Variants in SLC4A4 observed in about 807,000 individuals in gnomAD.
SLC4A4 encodes the protein solute carrier family 4 member 4, also known as electrogenic sodium bicarbonate cotransporter 1.
In SLC4A4, 27 loss-of-function variants were observed where a neutral mutation model predicts 111.5. The observed-to-expected ratio is 0.24, with a 90% CI of 0.18 to 0.33. The LOEUF is 0.33. SLC4A4 is among the 10% of genes least tolerant of loss of function. The probability of loss-of-function intolerance (pLI) is 1.00; values close to 1 mark genes in which losing one functional copy is unlikely to be tolerated. For synonymous variants in SLC4A4, 443 were observed against 463.4 expected (o/e 0.96, Z 0.57); for missense variants, 909 against 1,315.5 (o/e 0.69, Z 4.78).
chr4:71,482,129 G>A (rs1273948499), intron 14 of SLC4A4, among the ~76,000 whole-genome samples: 2 of 151,690 alleles, frequency 1.3e-5, no homozygotes, highest in African/African-American at 4.8e-5. Flanking sequence ...TGTAGACCAA[G>A]CTTCCAATTG....
At chr4:71,387,623 T>A (rs1718871910) in intron 6 of SLC4A4, among the ~76,000 whole-genome samples, 1 of 152,024 alleles carries the variant, frequency 6.6e-6, no homozygotes, top group African/African-American at 2.4e-5. Flanking sequence ...GCCTCCCGAG[T>A]AGCTGGGATT....
At chr4:71,268,322 G>A (rs555377939) in intron 3 of SLC4A4, among the ~76,000 whole-genome samples, 3 of 152,066 alleles carry the variant, frequency 2.0e-5, no homozygotes, top group Non-Finnish European at 4.4e-5. Flanking sequence ...TCATACCCAG[G>A]CCTTTTCTTT....
At chr4:71,282,669 A>C (rs949163559) in intron 3 of SLC4A4, among the ~76,000 whole-genome samples, 1 of 148,958 alleles carries the variant, frequency 6.7e-6, no homozygotes, top group Non-Finnish European at 1.5e-5. Context: ...TGTAGCTTCA[A>C]CCTCCTGTGC....
intron 2 of SLC4A4, among the ~76,000 whole-genome samples, chr4:71,123,165 A>T (rs1207719500): frequency 1.3e-5 from 2 of 152,210 alleles, no homozygotes; most frequent in East Asian, 3.8e-4. Context: ...GAAGCAGACA[A>T]CTAAAAGGTG....
chr4:71,555,356 T>C (rs1019423819), intron 21 of SLC4A4, 148 bp downstream of exon 21: 1 of 723,872 alleles, frequency 1.4e-6, no homozygotes, highest in Admixed American at 1.9e-5. Context: ...ATTCACCTGC[T>C]TTTCATTTCT....
intron 18 of SLC4A4, among the ~76,000 whole-genome samples, chr4:71,534,939 T>G (rs1734279651): frequency 6.6e-6 from 1 of 152,186 alleles, no homozygotes; most frequent in Non-Finnish European, 1.5e-5. Context: ...GTTATGAGTC[T>G]AAAGAAAATG....
In SLC4A4 at chr4:71,416,432, C is replaced by T. The variant is rs567135741; in HGVS notation, c.807+18779C>T. Among the ~76,000 whole-genome samples, 41 of 152,208 alleles carry T rather than the reference C, an allele frequency of 2.7e-4. 1 individual carries two copies. The highest frequency in any genetic ancestry group is 2.3e-3 in the East Asian group (12 of 5,182). On this transcript the variant is annotated intron_variant, in intron 7 of 25. Transcript: ENST00000264485. ...GTATAATAAAAGTTATGTGAATGTG[C>T]TCCTACTCTTGCTCTCTCACAAAAC...
intron 4 of SLC4A4, among the ~76,000 whole-genome samples, chr4:71,344,431 T>TC (rs796754351): frequency 1.3e-5 from 2 of 152,010 alleles, no homozygotes; most frequent in Non-Finnish European, 2.9e-5. Context: ...GATAGTTTTT[T>TC]CCCCCCATTA....
At chr4:71,178,439 C>T (rs552719650) in intron 2 of SLC4A4, among the ~76,000 whole-genome samples, 5 of 151,834 alleles carry the variant, frequency 3.3e-5, no homozygotes, top group African/African-American at 9.7e-5. Context: ...AAAAGATCAA[C>T]AAAATTGATA....
chr4:71,376,750 C>G (rs1366477377), intron 6 of SLC4A4, among the ~76,000 whole-genome samples: 1 of 151,868 alleles, frequency 6.6e-6, no homozygotes, highest in Non-Finnish European at 1.5e-5. Flanking sequence ...GATTCTCCTG[C>G]CTCAGTCTCC....
At chr4:71,418,932 T>C (rs1309498732) in intron 7 of SLC4A4, among the ~76,000 whole-genome samples, 1 of 152,206 alleles carries the variant, frequency 6.6e-6, no homozygotes, top group East Asian at 1.9e-4. Context: ...CAGCTGCAGG[T>C]CTGTTGGAGT....
intron 2 of SLC4A4, among the ~76,000 whole-genome samples, chr4:71,168,026 T>G (rs1468105181): frequency 2.0e-5 from 3 of 151,904 alleles, no homozygotes; most frequent in Non-Finnish European, 4.4e-5. Context: ...ATTTTTATAA[T>G]TTTTGTGAAT....
intron 6 of SLC4A4, among the ~76,000 whole-genome samples, chr4:71,368,850 A>T (rs1336858506): frequency 5.3e-5 from 8 of 152,078 alleles, no homozygotes; most frequent in East Asian, 1.9e-4. Context: ...CTTTGTGGGG[A>T]TTCATTTCAT....
At chr4:71,114,017 G>A (rs898131203) in intron 2 of SLC4A4, among the ~76,000 whole-genome samples, 5 of 152,180 alleles carry the variant, frequency 3.3e-5, no homozygotes, top group Non-Finnish European at 5.9e-5. Flanking sequence ...GGAGGCCGAG[G>A]CCGGCGGATC....
chr4:71,541,854 A>G (rs1158775983), intron 18 of SLC4A4, among the ~76,000 whole-genome samples: 1 of 152,098 alleles, frequency 6.6e-6, no homozygotes, highest in African/African-American at 2.4e-5. Flanking sequence ...CAGAACAGAT[A>G]AAAAGTTTCA....
At chr4:71,201,623 A>C (rs1041610667) in intron 1 of SLC4A4, among the ~76,000 whole-genome samples, 2 of 152,210 alleles carry the variant, frequency 1.3e-5, no homozygotes, top group Non-Finnish European at 2.9e-5. Context: ...GCACATAGTC[A>C]GTATGGTTTA....
intron 6 of SLC4A4, among the ~76,000 whole-genome samples, chr4:71,393,761 T>C (rs1333870983): frequency 2.6e-5 from 4 of 152,078 alleles, no homozygotes; most frequent in Non-Finnish European, 5.9e-5. Context: ...GATTTCAAAC[T>C]ATATTAAAAG....
intron 6 of SLC4A4, among the ~76,000 whole-genome samples, chr4:71,395,132 C>T (rs114223296): frequency 2.9e-3 from 441 of 152,142 alleles, no homozygotes; most frequent in Non-Finnish European, 4.6e-3. Flanking sequence ...TTCTAACAAG[C>T]GTACAGGTGA....
At chr4:71,532,682 G>A (rs1734048231) in intron 17 of SLC4A4, among the ~76,000 whole-genome samples, 1 of 151,928 alleles carries the variant, frequency 6.6e-6, no homozygotes, top group African/African-American at 2.4e-5. Context: ...ATTTTTTAAT[G>A]TTTTGTAGAG....
Sources: gnomAD v4.1 joint callset for allele counts (sites outside exome capture counted in the v4.1 genomes callset) on GRCh38, gnomAD v4.1.1 for gene constraint, MANE v1.5 for transcripts, NCBI Gene and HGNC (gene_info 2026-07-23, HGNC 2026-07-21) for gene names.